Variants in SH3D19 observed in about 807,000 individuals in gnomAD.
The protein encoded by SH3D19 is SH3 domain-containing protein 19.
A neutral mutation model predicts 112.1 loss-of-function variants in SH3D19; 58 were observed. That is an observed-to-expected ratio of 0.52 (90% confidence interval 0.42 to 0.64). SH3D19 has a LOEUF of 0.64. Ranked by LOEUF, SH3D19 falls within the 30% of genes least tolerant of loss-of-function variation. The pLI is 0.00. For synonymous variants in SH3D19, 391 were observed against 448.5 expected (o/e 0.87, Z 1.62); for missense variants, 1,090 against 1,263.4 (o/e 0.86, Z 2.08).
At chr4:151,321,318 C>T (rs953378333) in intron 1 of SH3D19, among the ~76,000 whole-genome samples, 3 of 152,116 alleles carry the variant, frequency 2.0e-5, no homozygotes, top group Non-Finnish European at 2.9e-5. Flanking sequence ...CACCCAATCT[C>T]GTCCGCCTAT....
intron 2 of SH3D19, among the ~76,000 whole-genome samples, chr4:151,215,072 G>A (rs570628318): frequency 1.1e-4 from 16 of 149,082 alleles, no homozygotes; most frequent in African/African-American, 3.7e-4. Flanking sequence ...CTCAGACGAT[G>A]GGCGGCCGGG....
chr4:151,279,121 G>A, intron 1 of SH3D19: 1 of 435,366 alleles, frequency 2.3e-6, no homozygotes, highest in Non-Finnish European at 4.5e-6. Context: ...AGGCTGACCT[G>A]CCAAGGCCAG....
chr4:151,271,136 G>C (rs539669586), intron 1 of SH3D19, among the ~76,000 whole-genome samples: 25 of 152,192 alleles, frequency 1.6e-4, no homozygotes, highest in Non-Finnish European at 3.4e-4. Flanking sequence ...ATGTTGTCCA[G>C]GCTGGTCTTG....
rs558619129 is a variant in SH3D19 at position 151,136,079 on chromosome 4, C to T, written c.2428-947G>A. Among the ~76,000 whole-genome samples, 5 of 152,240 alleles carry T rather than the reference C, an allele frequency of 3.3e-5. No homozygotes were observed. In the Middle Eastern group the frequency reaches 0.014, roughly 414 times the overall value. Reference sequence around the variant, plus strand: ...TCACATTTATAACTGAAATATTTTCCCCCTTCAACATGAATAGGGAAGAAA... The same window carrying T: ...TCACATTTATAACTGAAATATTTTCTCCCTTCAACATGAATAGGGAAGAAA... On this transcript the variant is annotated intron_variant, in intron 14 of 19. Transcript: ENST00000604030.
At chr4:151,160,448 C>A (rs1403191310) in intron 8 of SH3D19, among the ~76,000 whole-genome samples, 1 of 152,182 alleles carries the variant, frequency 6.6e-6, no homozygotes, top group Non-Finnish European at 1.5e-5. Context: ...ATTAAACAAA[C>A]AATACCTTTA....
intron 2 of SH3D19, among the ~76,000 whole-genome samples, chr4:151,191,084 C>T (rs1255321056): frequency 6.6e-6 from 1 of 152,186 alleles, no homozygotes; most frequent in Non-Finnish European, 1.5e-5. Context: ...TAAGATTTGA[C>T]CTGCCCTGCT....
At chr4:151,282,381 T>C (rs1774333354) in intron 1 of SH3D19, 1 of 1,613,856 alleles carries the variant, frequency 6.2e-7, no homozygotes, top group Non-Finnish European at 8.5e-7. Flanking sequence ...TTTTGTTGGG[T>C]GACCGGATGG....
chr4:151,257,522 G>A (rs1430720627), intron 1 of SH3D19, among the ~76,000 whole-genome samples: 2 of 152,068 alleles, frequency 1.3e-5, no homozygotes. Flanking sequence ...GCCAGGCACT[G>A]GGCCTGGAAT....
intron 2 of SH3D19, among the ~76,000 whole-genome samples, chr4:151,191,750 A>G (rs1012301984): frequency 6.6e-6 from 1 of 151,286 alleles, no homozygotes; most frequent in Admixed American, 6.6e-5. Flanking sequence ...GGTTCATGCC[A>G]TTCTCCTGCC....
intron 8 of SH3D19, among the ~76,000 whole-genome samples, chr4:151,161,354 A>G (rs1757114695): frequency 6.6e-6 from 1 of 152,172 alleles, no homozygotes; most frequent in Non-Finnish European, 1.5e-5. Context: ...TTCTTCAGAC[A>G]CCAAAGTTTC....
intron 9 of SH3D19, among the ~76,000 whole-genome samples, chr4:151,157,916 C>T (rs1013174547): frequency 5.9e-5 from 9 of 151,864 alleles, no homozygotes; most frequent in African/African-American, 9.7e-5. Context: ...AAAAGTAGAA[C>T]GGAGGATACT....
chr4:151,188,981 AC>A (rs199757180), intron 2 of SH3D19, among the ~76,000 whole-genome samples: 1,577 of 152,280 alleles, frequency 0.01, 22 homozygotes, highest in African/African-American at 0.034. Context: ...CTGCTGGTCA[AC>A]CTCCATAAGC....
At chr4:151,186,791 A>G (rs935486230) in intron 3 of SH3D19, among the ~76,000 whole-genome samples, 3 of 141,622 alleles carry the variant, frequency 2.1e-5, no homozygotes, top group Admixed American at 1.4e-4. Context: ...AAATGGTTAC[A>G]TAATTTTTTT....
In SH3D19 at chr4:151,239,723, A is replaced by T. The variant is rs182267366; in HGVS notation, c.113-13637T>A. Among the ~76,000 whole-genome samples the T allele has an allele frequency of 9.5e-4, 144 of 152,332 alleles. 1 individual carries two copies. Among genetic ancestry groups the T allele is most frequent in the Non-Finnish European group, 1.4e-3 (93 of 68,028 alleles). On this transcript the variant is annotated intron_variant, in intron 1 of 19. Coordinates refer to ENST00000604030, the MANE Select transcript of SH3D19 (RefSeq NM_001378122.1). ...AAGAACACAAGTCAAAAACACAGAG[A>T]TAGAAGACATAAAAATTAAGAGCCA...
rs1016907656 is a variant in SH3D19, at chr4:151,304,933, T to C, written c.112+20308A>G. 1.3e-5 allele frequency among the ~76,000 whole-genome samples: 2 copies of C among 152,202 alleles called. 1 individual carries two copies. The highest frequency in any genetic ancestry group is 4.1e-4 in the South Asian group (2 of 4,828). On this transcript the variant is annotated intron_variant, in intron 1 of 19. Coordinates refer to ENST00000604030, the MANE Select transcript of SH3D19 (RefSeq NM_001378122.1). ...AACACAAGAGCCCATCTGCATAAGC[T>C]GGGAGGTTCTTTTTGGTTCTAGGCA...
At chr4:151,152,858 C>T (rs954365592) in intron 9 of SH3D19, among the ~76,000 whole-genome samples, 3 of 151,434 alleles carry the variant, frequency 2.0e-5, no homozygotes, top group East Asian at 2.0e-4. Context: ...ATATTTGAGA[C>T]GTAGTCTTGT....
rs576139351 is a variant in SH3D19, at chr4:151,200,290, C to T, written c.153-12827G>A. Among the ~76,000 whole-genome samples the T allele has an allele frequency of 8.5e-5, 13 of 152,176 alleles. No homozygotes were observed. The East Asian group carries it at 2.5e-3, about 29-fold the overall frequency. On this transcript the variant is annotated intron_variant, in intron 2 of 19. Coordinates refer to ENST00000604030, the MANE Select transcript of SH3D19 (RefSeq NM_001378122.1). ...CCCCACACACATATTTGTATAATTA[C>T]ATTTATACAAAAAAAGTGAGAACGC...
intron 2 of SH3D19, among the ~76,000 whole-genome samples, chr4:151,218,134 T>C (rs1364879631): frequency 6.6e-6 from 1 of 152,190 alleles, no homozygotes; most frequent in Non-Finnish European, 1.5e-5. Flanking sequence ...CACGTGTTAG[T>C]TGTAGAACTC....
intron 1 of SH3D19, among the ~76,000 whole-genome samples, chr4:151,263,310 G>T (rs146705437): frequency 3.9e-4 from 59 of 152,298 alleles, no homozygotes; most frequent in African/African-American, 1.3e-3. Flanking sequence ...AGATGCTGGG[G>T]TCCAGAGGTT....
Sources: gnomAD v4.1 joint callset for allele counts (sites outside exome capture counted in the v4.1 genomes callset) on GRCh38, gnomAD v4.1.1 for gene constraint, MANE v1.5 for transcripts, NCBI Gene and HGNC (gene_info 2026-07-23, HGNC 2026-07-21) for gene names.